Variants in SNW1 observed in about 807,000 individuals in gnomAD.
The protein encoded by SNW1 is SNW domain containing 1, also known as SNW domain-containing protein 1.
In SNW1, 9 loss-of-function variants were observed where a neutral mutation model predicts 75.6. The observed-to-expected ratio is 0.12, with a 90% CI of 0.07 to 0.21. The LOEUF is 0.21. Among genes scored for constraint, SNW1 ranks in the 10% least tolerant of loss-of-function variants. SNW1 has a pLI of 1.00. For synonymous variants in SNW1, 200 were observed against 219.1 expected (o/e 0.91, Z 0.77); for missense variants, 409 against 670.9 (o/e 0.61, Z 4.31).
chr14:77,722,539 G>T, intron 11 of SNW1: 1 of 450,420 alleles, frequency 2.2e-6, no homozygotes, highest in South Asian at 1.6e-5. Context: ...CACCATTTGA[G>T]GTAGAAAAAG....
At chr14:77,732,403 T>C (rs1214495814) in intron 9 of SNW1, 82 bp downstream of exon 9, 1 of 806,956 alleles carries the variant, frequency 1.2e-6, no homozygotes, top group African/African-American at 1.7e-5. Context: ...CTCGGTACTA[T>C]AGTTAAATTA....
intron 3 of SNW1, among the ~76,000 whole-genome samples, chr14:77,740,241 G>A (rs1007517029): frequency 6.9e-6 from 1 of 144,236 alleles, no homozygotes; most frequent in Admixed American, 7.0e-5. Context: ...TACATAAAAA[G>A]AAAGGACAAC....
chr14:77,760,945 C>T, intron 1 of SNW1, 169 bp downstream of exon 1: 1 of 1,490,416 alleles, frequency 6.7e-7, no homozygotes, highest in Non-Finnish European at 9.3e-7. Context: ...ACCCCAGCTT[C>T]GACTAGGCCT....
intron 11 of SNW1, among the ~76,000 whole-genome samples, chr14:77,721,510 G>A (rs989812388): frequency 3.9e-5 from 6 of 151,960 alleles, no homozygotes; most frequent in African/African-American, 7.3e-5. Flanking sequence ...CACTTTACTC[G>A]TTTTGAGGGC....
At chr14:77,720,024 ACAGC>A (rs2080526103) in intron 12 of SNW1, among the ~76,000 whole-genome samples, 1 of 152,248 alleles carries the variant, frequency 6.6e-6, no homozygotes, top group African/African-American at 2.4e-5. Context: ...AGATTTCCTG[ACAGC>A]CAGCCTAGTA....
At chr14:77,747,187 G>C (rs1423682163) in intron 3 of SNW1, among the ~76,000 whole-genome samples, 1 of 152,186 alleles carries the variant, frequency 6.6e-6, no homozygotes, top group Non-Finnish European at 1.5e-5. Context: ...CCGAGGTGCC[G>C]GGATTGCAGA....
chr14:77,748,608 ACAGAG>A (rs2080783162), intron 3 of SNW1, among the ~76,000 whole-genome samples: 1 of 151,576 alleles, frequency 6.6e-6, no homozygotes, highest in Admixed American at 6.6e-5. Flanking sequence ...TTTATTTGAG[ACAGAG>A]TCTTGCTCTG....
intron 1 of SNW1, chr14:77,760,705 A>G (rs1326422557): frequency 8.3e-5 from 58 of 701,080 alleles, no homozygotes; most frequent in Non-Finnish European, 2.6e-6. Context: ...AGACCACCAC[A>G]GGCAAACGGC....
Position 77,755,113 on chromosome 14 carries a change from G to A in SNW1, c.22C>T (p.Pro8Ser). Residue 8 changes from proline to serine, a missense_variant, in exon 2 of 14, where the codon CCT (proline) becomes TCT (serine). Pro to Ser is a moderately conservative substitution (Grantham distance 74, BLOSUM62 -1). This residue lies in a region of SNW1 where 73 missense variants were observed against 68.3 expected (regional missense o/e 1.07). Coordinates refer to ENST00000261531, the MANE Select transcript of SNW1 (RefSeq NM_012245.3). Reference sequence around the variant, plus strand: ...TCCTGAGATAGCTGAGTAGGTGCAGGTAAAAAGCTATAAGCAAAGATAATA... The same window carrying A: ...TCCTGAGATAGCTGAGTAGGTGCAGATAAAAAGCTATAAGCAAAGATAATA... MALTSFL[P>S]APTQLSQDQL... 6.2e-7 allele frequency: 1 copy of A among 1,611,690 alleles called. No individual in the cohort carries two copies. The highest frequency in any genetic ancestry group is 8.5e-7 in the Non-Finnish European group (1 of 1,179,602).
intron 12 of SNW1, among the ~76,000 whole-genome samples, chr14:77,720,279 C>G (rs558138014): frequency 7.7e-4 from 117 of 152,140 alleles, no homozygotes; most frequent in African/African-American, 2.7e-3. Flanking sequence ...GGATTACAGG[C>G]GTGCACCACC....
chr14:77,722,599 G>A (rs2080550779), intron 11 of SNW1: 3 of 401,436 alleles, frequency 7.5e-6, no homozygotes, highest in South Asian at 3.6e-5. Flanking sequence ...TCAAAAATCT[G>A]ATCTCGATTC....
At chr14:77,756,817 T>C (rs1594811226) in intron 1 of SNW1, among the ~76,000 whole-genome samples, 1 of 151,996 alleles carries the variant, frequency 6.6e-6, no homozygotes, top group African/African-American at 2.4e-5. Context: ...AGGTGGAGGG[T>C]ACAGTGAGCC....
At chr14:77,728,401 A>G (rs948517305) in intron 10 of SNW1, among the ~76,000 whole-genome samples, 2 of 152,210 alleles carry the variant, frequency 1.3e-5, no homozygotes, top group Non-Finnish European at 2.9e-5. Context: ...CAGTCAGCTG[A>G]GATTGCATCA....
chr14:77,721,652 GTC>G (rs2080541438), intron 11 of SNW1, among the ~76,000 whole-genome samples: 1 of 151,762 alleles, frequency 6.6e-6, no homozygotes, highest in African/African-American at 2.4e-5. Context: ...AAGAGTAAGA[GTC>G]TTTGCTTCTC....
At chr14:77,751,811 C>G (rs1053486441) in intron 2 of SNW1, among the ~76,000 whole-genome samples, 7 of 81,086 alleles carry the variant, frequency 8.6e-5, no homozygotes, top group Non-Finnish European at 1.1e-4. Context: ...GGAAGACACA[C>G]ACACACACAC....
chr14:77,749,267 G>A (rs866619945), intron 3 of SNW1, among the ~76,000 whole-genome samples: 29 of 152,168 alleles, frequency 1.9e-4, no homozygotes, highest in African/African-American at 7.0e-4. Context: ...AGAATGTGCT[G>A]TAAAAAAATG....
At chr14:77,732,350 C>T in intron 9 of SNW1, 135 bp downstream of exon 9, 1 of 650,672 alleles carries the variant, frequency 1.5e-6, no homozygotes, top group Admixed American at 2.4e-5. Context: ...CTAGCAGCTG[C>T]CATTTCTGAC....
intron 3 of SNW1, 115 bp downstream of exon 3, chr14:77,751,204 T>C: frequency 2.8e-6 from 3 of 1,076,674 alleles, no homozygotes; most frequent in South Asian, 3.1e-5. Flanking sequence ...CGAGCCACCA[T>C]GCCCAGCCAC....
chr14:77,734,694 T>G (rs1040111331), intron 8 of SNW1, among the ~76,000 whole-genome samples: 11 of 151,724 alleles, frequency 7.3e-5, no homozygotes, highest in African/African-American at 2.4e-4. Flanking sequence ...GCTGAGATCA[T>G]GCCACCGTAC....
Sources: allele counts gnomAD v4.1 joint callset (sites outside exome capture counted in the v4.1 genomes callset), GRCh38; gene constraint gnomAD v4.1.1; regional missense constraint gnomAD v4.1.1; transcripts MANE v1.5; gene names NCBI Gene and HGNC (gene_info 2026-07-23, HGNC 2026-07-21).